KLF7: variants seen among roughly 807,000 people sequenced by gnomAD.
The protein encoded by KLF7 is Krueppel-like factor 7.
In KLF7, 2 loss-of-function variants were observed where a neutral mutation model predicts 27.3. That is an observed-to-expected ratio of 0.07 (90% confidence interval 0.03 to 0.23). The LOEUF is 0.23. KLF7 is among the 10% of genes least tolerant of loss of function. KLF7 has a pLI of 1.00. For synonymous variants in KLF7, 165 were observed against 162.4 expected, an observed-to-expected ratio of 1.02 and a Z score of -0.12; for missense variants, 221 against 394.1, an observed-to-expected ratio of 0.56 and a Z score of 3.72.
At chr2:207,130,123 C>T (rs916966437) in intron 1 of KLF7, among the ~76,000 whole-genome samples, 6 of 123,520 alleles carry the variant, frequency 4.9e-5, no homozygotes, top group African/African-American at 1.7e-4. Flanking sequence ...CCCCTACGAC[C>T]CTTACCTAAA....
intron 2 of KLF7, among the ~76,000 whole-genome samples, chr2:207,119,616 C>G (rs1242795490): frequency 6.6e-6 from 1 of 152,188 alleles, no homozygotes; most frequent in Non-Finnish European, 1.5e-5. Context: ...AGAGAAAGGT[C>G]TGCAATGACT....
intron 1 of KLF7, among the ~76,000 whole-genome samples, chr2:207,146,326 T>C (rs2078095214): frequency 6.6e-6 from 1 of 152,214 alleles, no homozygotes; most frequent in Admixed American, 6.5e-5. Context: ...GAATTAAGCA[T>C]ATCTTAGATC....
At chr2:207,112,794 A>G (rs1161789426) in intron 2 of KLF7, among the ~76,000 whole-genome samples, 1 of 152,260 alleles carries the variant, frequency 6.6e-6, no homozygotes, top group Admixed American at 6.5e-5. Context: ...AACAATATAT[A>G]AAGTAATTAC....
At chr2:207,108,411 T>C (rs1335174138) in intron 2 of KLF7, among the ~76,000 whole-genome samples, 4 of 152,112 alleles carry the variant, frequency 2.6e-5, no homozygotes, top group African/African-American at 9.7e-5. Context: ...AGTTTGAAAA[T>C]ACAAAGATGT....
intron 1 of KLF7, among the ~76,000 whole-genome samples, chr2:207,157,462 C>G (rs781105105): frequency 6.6e-6 from 1 of 152,058 alleles, no homozygotes; most frequent in Non-Finnish European, 1.5e-5. Context: ...AAAATAAAGA[C>G]AGAAGCAGGA....
intron 2 of KLF7, among the ~76,000 whole-genome samples, chr2:207,102,126 T>TCACA (rs59384224): frequency 0.13 from 18,765 of 140,840 alleles, 1,251 homozygotes; most frequent in African/African-American, 0.17. Context: ...ACATTCACAT[T>TCACA]CACACACACA....
intron 2 of KLF7, among the ~76,000 whole-genome samples, chr2:207,107,794 T>C (rs1437986087): frequency 1.3e-5 from 2 of 152,176 alleles, no homozygotes; most frequent in African/African-American, 2.4e-5. Context: ...CAGACACAAA[T>C]GAGCAGGTGA....
chr2:207,173,501 A>G, the KLF7 span: 4 of 152,130 alleles, frequency 2.6e-5, no homozygotes, highest in African/African-American at 9.7e-5. Context: ...TAGACATGAT[A>G]TACTTTAAAA....
upstream of KLF7, among the ~76,000 whole-genome samples, chr2:207,172,138 A>G (rs201208011): frequency 6.6e-6 from 1 of 152,110 alleles, no homozygotes; most frequent in East Asian, 1.9e-4. Context: ...CTCTCCTGAA[A>G]CAGATCATAG....
At chr2:207,099,992 T>C (rs909078324) in intron 2 of KLF7, among the ~76,000 whole-genome samples, 32 of 152,196 alleles carry the variant, frequency 2.1e-4, no homozygotes, top group Non-Finnish European at 3.2e-4. Context: ...TAGCTGGGCA[T>C]GGTGGTGCAC....
At position 207,117,619 on chromosome 2, in the gene KLF7, A is replaced by T. The variant is rs144026834; in HGVS notation, c.733+6155T>A. Among the ~76,000 whole-genome samples, 480 of 152,310 alleles carry T rather than the reference A, an allele frequency of 3.2e-3. 2 individuals carry two copies. Among genetic ancestry groups the T allele is most frequent in the African/African-American group, 0.011 (462 of 41,560 alleles). On this transcript the variant is annotated intron_variant, in intron 2 of 3. Coordinates refer to ENST00000309446, the MANE Select transcript of KLF7 (RefSeq NM_003709.4). ...AGTTGCTATTGTATAAATTCAAAGA[A>T]TTCTTATCTATGGCACTAGCAGGTT...
intron 1 of KLF7, among the ~76,000 whole-genome samples, chr2:207,132,689 A>C (rs866033286): frequency 6.6e-6 from 1 of 152,230 alleles, no homozygotes; most frequent in African/African-American, 2.4e-5. Context: ...AGAAATTCCC[A>C]AAACAACTCA....
At chr2:207,097,213 A>G (rs1003210513) in intron 2 of KLF7, among the ~76,000 whole-genome samples, 16 of 152,182 alleles carry the variant, frequency 1.1e-4, no homozygotes, top group Non-Finnish European at 2.1e-4. Context: ...AAGGTATTTA[A>G]TAACTTCTTT....
Position 207,087,891 on chromosome 2 carries a change from AC to A in KLF7, c.857+566del, listed in dbSNP as rs2076427327. Among the ~76,000 whole-genome samples, 4 of 152,244 alleles carry A rather than the reference AC, an allele frequency of 2.6e-5. No homozygotes were observed. In the South Asian group the frequency reaches 8.3e-4, roughly 32 times the overall value. ...TTGAATTACAGGAGGAGTTCTCAAAACCTTGTCATTTTTTGCACCCTTGTAC... is the reference window on the plus strand; with the variant it reads ...TTGAATTACAGGAGGAGTTCTCAAAACTTGTCATTTTTTGCACCCTTGTAC... On this transcript the variant is annotated intron_variant, in intron 3 of 3. Coordinates refer to ENST00000309446, the MANE Select transcript of KLF7 (RefSeq NM_003709.4).
intron 2 of KLF7, among the ~76,000 whole-genome samples, chr2:207,102,247 C>T (rs1318185386): frequency 6.6e-6 from 1 of 151,830 alleles, no homozygotes; most frequent in Non-Finnish European, 1.5e-5. Context: ...ATCTGTCATC[C>T]TATATACCTC....
intron 1 of KLF7, among the ~76,000 whole-genome samples, chr2:207,152,479 A>G (rs1423316456): frequency 6.6e-6 from 1 of 152,234 alleles, no homozygotes; most frequent in Non-Finnish European, 1.5e-5. Flanking sequence ...CAGGAAAATC[A>G]GTCAGTTTCC....
intron 1 of KLF7, among the ~76,000 whole-genome samples, chr2:207,157,294 C>G (rs1433765265): frequency 6.7e-6 from 1 of 149,940 alleles, no homozygotes; most frequent in Non-Finnish European, 1.5e-5. Context: ...AAGTAAAAAG[C>G]TCTGCACAAG....
intron 2 of KLF7, among the ~76,000 whole-genome samples, chr2:207,096,188 G>A (rs145916454): frequency 1.9e-4 from 29 of 152,308 alleles, no homozygotes; most frequent in Non-Finnish European, 2.9e-4. Flanking sequence ...AAAGCTAGGG[G>A]AGGAAGGACT....
In KLF7 at chr2:207,108,131, T is replaced by C. The variant is rs539777629; in HGVS notation, c.733+15643A>G. Among the ~76,000 whole-genome samples the C allele has an allele frequency of 5.3e-5, 8 of 152,336 alleles. No individual in the cohort carries two copies. In the East Asian group the frequency reaches 1.4e-3, roughly 26 times the overall value. ...AGTTTTCCCTGGCTGCAAAGGATTC[T>C]TTCTGGCTTTGCTCATTAACTATTC... is the stretch of plus-strand genomic sequence containing the variant. On this transcript the variant is annotated intron_variant, in intron 2 of 3. Coordinates refer to ENST00000309446, the MANE Select transcript of KLF7 (RefSeq NM_003709.4).
Sources: allele counts gnomAD v4.1 joint callset (sites outside exome capture counted in the v4.1 genomes callset), GRCh38; gene constraint gnomAD v4.1.1; transcripts MANE v1.5; gene names NCBI Gene and HGNC (gene_info 2026-07-23, HGNC 2026-07-21).